The following PNPLA6 variants were observed in gnomAD, a reference collection of about 807,000 sequenced individuals.
The protein encoded by PNPLA6 is patatin like domain 6, lysophospholipase.
In PNPLA6, 105 loss-of-function variants were observed where a neutral mutation model predicts 153.7. The observed-to-expected ratio is 0.68, with a 90% CI of 0.58 to 0.80. The LOEUF (loss-of-function observed/expected upper bound fraction) is 0.80, where lower values mean the gene tolerates loss of function less well. Ranked by LOEUF, PNPLA6 falls within the 30% of genes least tolerant of loss-of-function variation. PNPLA6 has a pLI of 0.00. For missense variants in PNPLA6, 1,423 were observed against 1,919.3 expected (o/e 0.74, Z 4.83); for synonymous variants, 825 against 822.2 (o/e 1.00, Z -0.06).
chr19:7,550,659 C>A lies in PNPLA6; in HGVS notation c.2070+19C>A, dbSNP rs1420357118. ...CGGCGTGGTGAGCGCGACCCCCACCCACTGACCTCTGGCCTTTTCCAGGCC... is the reference window on the plus strand; with the variant it reads ...CGGCGTGGTGAGCGCGACCCCCACCAACTGACCTCTGGCCTTTTCCAGGCC... On this transcript the variant is annotated intron_variant, in intron 16 of 31. Transcript: ENST00000600737. 6.2e-7 allele frequency: 1 copy of A among 1,609,224 alleles called. No individual in the cohort carries two copies.
Position 7,542,541 on chromosome 19 carries a change from G to GC in PNPLA6, c.1253-14dup, listed in dbSNP as rs1318985494. 3.8e-6 allele frequency: 6 copies of GC among 1,579,140 alleles called. No individual in the cohort carries two copies. The Admixed American group carries it at 6.7e-5, about 18-fold the overall frequency. On this transcript the variant is annotated intron_variant, in intron 10 of 31. Coordinates refer to ENST00000600737, the MANE Select transcript of PNPLA6 (RefSeq NM_001166114.2). ...TACTCTCATCTTTATGGTTTTTGTTGCCCCCCTGCCTGCCTGCAGGCTTGC... is the reference window on the plus strand; with the variant it reads ...TACTCTCATCTTTATGGTTTTTGTTGCCCCCCCTGCCTGCCTGCAGGCTTGC...
chr19:7,557,894 T>G (rs2023954124), intron 27 of PNPLA6, among the ~76,000 whole-genome samples: 1 of 151,758 alleles, frequency 6.6e-6, no homozygotes, highest in Admixed American at 6.6e-5. Flanking sequence ...CACACACACA[T>G]CAGGGGACAT....
Position 7,550,122 on chromosome 19 carries a change from C to A in PNPLA6, c.1814+10C>A, listed in dbSNP as rs762451529. On this transcript the variant is annotated intron_variant, in intron 14 of 31. Coordinates refer to ENST00000600737, the MANE Select transcript of PNPLA6 (RefSeq NM_001166114.2). ...AGTCCGACTTCTATGAGTATGACAGCCCGAAGTTGGAGTGTGGGTGGCACT... is the reference window on the plus strand; with the variant it reads ...AGTCCGACTTCTATGAGTATGACAGACCGAAGTTGGAGTGTGGGTGGCACT... 5.0e-6 allele frequency: 8 copies of A among 1,613,872 alleles called. No homozygotes were observed. The highest frequency in any genetic ancestry group is 6.8e-6 in the Non-Finnish European group (8 of 1,179,962).
chr19:7,559,238 A>G, intron 28 of PNPLA6, 87 bp downstream of exon 28: 1 of 1,132,368 alleles, frequency 8.8e-7, no homozygotes, highest in South Asian at 1.3e-5. Flanking sequence ...GAGGGGGAGG[A>G]ATCCAGGAGG....
chr19:7,535,461 C>T, upstream of PNPLA6: 11 of 1,347,760 alleles, frequency 8.2e-6, no homozygotes, highest in Non-Finnish European at 1.1e-5. This position sits in a 1 kb window ranked among gnomAD's most constrained non-coding sequence, Gnocchi z 5.0. Flanking sequence ...GAGAGGTGGG[C>T]CCAGATTGAC....
chr19:7,542,460 A>G, intron 10 of PNPLA6, 101 bp from the exon 11 acceptor site: 1 of 900,934 alleles, frequency 1.1e-6, no homozygotes, highest in Non-Finnish European at 1.8e-6. Flanking sequence ...CCAGCCTCCC[A>G]AATAGCTGGA....
chr19:7,547,575 C>T (rs935731610), intron 13 of PNPLA6, among the ~76,000 whole-genome samples: 1 of 151,944 alleles, frequency 6.6e-6, no homozygotes, highest in African/African-American at 2.4e-5. Flanking sequence ...CTGAAACTAT[C>T]AAGCGATCCT....
chr19:7,541,171 C>A lies in PNPLA6; in HGVS notation c.924+120C>A. The A allele has an allele frequency of 7.8e-7, 1 of 1,288,052 alleles. No individual in the cohort carries two copies. The highest frequency in any genetic ancestry group is 1.1e-6 in the Non-Finnish European group (1 of 910,832). The allele number at this position is 1,288,052 out of a possible 1,614,324, so 79.8% of individuals were successfully genotyped here. On this transcript the variant is annotated intron_variant, in intron 7 of 31. Transcript: ENST00000600737. The surrounding 1 kb of genome is among the most constrained non-coding windows in gnomAD (Gnocchi z 5.2). Reference sequence around the variant, plus strand: ...AGGCGCTGGAGCTGTGGTTATCGGCCTGGAGCAGCCAGATGTCTGCAGCCG... The same window carrying A: ...AGGCGCTGGAGCTGTGGTTATCGGCATGGAGCAGCCAGATGTCTGCAGCCG...
In PNPLA6 at chr19:7,542,850, C is replaced by T. The variant is rs561015661; in HGVS notation, c.1452C>T (p.Phe484=). ...AGTCGGCCACTGGTGGCTGCCCTTT[C>T]GGGCCCTACCAGGGCCGCCAGACCA... ...EDESATGGCP[F]GPYQGRQTSS... is the part of the protein sequence containing the mutation. Residue 484 remains phenylalanine (F), a synonymous_variant, in exon 12 of 32, where the codon TTC becomes TTT. Transcript: ENST00000600737. The T allele has an allele frequency of 2.4e-5, 39 of 1,612,988 alleles. No homozygotes were observed. The highest frequency in any genetic ancestry group is 1.8e-4 in the South Asian group (16 of 91,084).
intron 10 of PNPLA6, 117 bp downstream of exon 10, chr19:7,542,184 C>T (rs767405243): frequency 6.5e-6 from 5 of 770,292 alleles, no homozygotes; most frequent in Non-Finnish European, 1.1e-5. Context: ...CCAGTACTTC[C>T]CCAGGCACTG....
chr19:7,555,125 G>C lies in PNPLA6; in HGVS notation c.2817+50G>C. 2 of 1,570,860 alleles carry C rather than the reference G, an allele frequency of 1.3e-6. No individual in the cohort carries two copies. Among genetic ancestry groups the C allele is most frequent in the Non-Finnish European group, 1.7e-6 (2 of 1,164,714 alleles). On this transcript the variant is annotated intron_variant, in intron 22 of 31. Transcript: ENST00000600737. The surrounding 1 kb of genome is among the most constrained non-coding windows in gnomAD (Gnocchi z 6.3). ...TTCTAGGGGCGTGGCTGGTGGGCGA[G>C]GCTTGGGAGACTGGGGCGGGGCCTG... is the stretch of plus-strand genomic sequence containing the variant.
chr19:7,535,614 T>C, upstream of PNPLA6: 1 of 1,591,704 alleles, frequency 6.3e-7, no homozygotes, highest in Non-Finnish European at 8.6e-7. The surrounding 1 kb of genome is among the most constrained non-coding windows in gnomAD (Gnocchi z 5.0). Flanking sequence ...GGTGCCGGCG[T>C]GGGGCGCCAA....
At chr19:7,550,678 C>A (rs1325536846) in intron 16 of PNPLA6, 38 bp downstream of exon 16, 1 of 1,606,540 alleles carries the variant, frequency 6.2e-7, no homozygotes, top group South Asian at 1.1e-5. Context: ...CTGGCCTTTT[C>A]CAGGCCAGTC....
intron 18 of PNPLA6, among the ~76,000 whole-genome samples, chr19:7,553,564 C>T (rs971268040): frequency 6.6e-6 from 1 of 152,232 alleles, no homozygotes; most frequent in African/African-American, 2.4e-5. Context: ...CAATTGATCT[C>T]CCAAGCACAG....
At chr19:7,535,216 C>T, upstream of PNPLA6, 2 of 540,784 alleles carry the variant, frequency 3.7e-6, no homozygotes, top group East Asian at 6.3e-5. The surrounding 1 kb of genome is among the most constrained non-coding windows in gnomAD (Gnocchi z 5.0). Context: ...GGTACCAGGT[C>T]GGCCTTTGGC....
chr19:7,535,345 C>A, upstream of PNPLA6: 1 of 661,526 alleles, frequency 1.5e-6, no homozygotes, highest in Non-Finnish European at 2.7e-6. This position sits in a 1 kb window ranked among gnomAD's most constrained non-coding sequence, Gnocchi z 5.0. Flanking sequence ...TTGCTCCATC[C>A]CTTAGTCCCG....
intron 13 of PNPLA6, chr19:7,549,659 T>G (rs1684871547): frequency 1.8e-6 from 1 of 546,702 alleles, no homozygotes; most frequent in Non-Finnish European, 3.3e-6. Flanking sequence ...CAGCTAATTT[T>G]TTTATTTTAG....
At chr19:7,554,045 C>A in intron 19 of PNPLA6, 30 bp downstream of exon 19, 1 of 707,320 alleles carries the variant, frequency 1.4e-6, no homozygotes, top group Non-Finnish European at 2.3e-6. Context: ...TGGGTGGGGG[C>A]TGGCGGTGGG....
Position 7,540,524 on chromosome 19 carries a change from C to A in PNPLA6, c.715-106C>A. 9.1e-7 allele frequency: 1 copy of A among 1,099,800 alleles called. No homozygotes were observed. The highest frequency in any genetic ancestry group is 2.4e-5 in the East Asian group (1 of 42,280). 68.1% of individuals were successfully genotyped at this position (1,099,800 alleles called of 1,614,324 possible). ...CTCGTTGGAAGGGTTGGTGGGTTCC[C>A]CTGAGAAGGGATGAGAAGTGTCAGT... On this transcript the variant is annotated intron_variant, in intron 5 of 31. Coordinates refer to ENST00000600737, the MANE Select transcript of PNPLA6 (RefSeq NM_001166114.2). This position sits in a 1 kb window ranked among gnomAD's most constrained non-coding sequence, Gnocchi z 6.8.
Sources: allele counts gnomAD v4.1 joint callset (sites outside exome capture counted in the v4.1 genomes callset), GRCh38; gene constraint gnomAD v4.1.1; non-coding constraint Gnocchi (gnomAD v3.1); transcripts MANE v1.5; gene names NCBI Gene and HGNC (gene_info 2026-07-23, HGNC 2026-07-21).